SDCCAG8: variants seen among roughly 807,000 people sequenced by gnomAD.
SDCCAG8 encodes SHH signaling and ciliogenesis regulator SDCCAG8, also known as serologically defined colon cancer antigen 8.
A neutral mutation model predicts 101.8 loss-of-function variants in SDCCAG8; 74 were observed. The observed-to-expected ratio is 0.73, with a 90% CI of 0.60 to 0.88. The LOEUF is 0.88. SDCCAG8 is among the 40% of genes least tolerant of loss of function. The pLI is 0.00. For synonymous variants in SDCCAG8, 281 were observed against 292.9 expected (o/e 0.96, Z 0.41); for missense variants, 787 against 822.6 (o/e 0.96, Z 0.53).
At chr1:243,420,081 C>G (rs1446190947) in intron 15 of SDCCAG8, among the ~76,000 whole-genome samples, 1 of 152,224 alleles carries the variant, frequency 6.6e-6, no homozygotes, top group East Asian at 1.9e-4. Flanking sequence ...ACCTCCTGAT[C>G]TGACTTCTGA....
At chr1:243,372,018 A>G (rs1462070492) in intron 12 of SDCCAG8, among the ~76,000 whole-genome samples, 17 of 152,162 alleles carry the variant, frequency 1.1e-4, no homozygotes, top group Non-Finnish European at 2.4e-4. Context: ...AACATCTATA[A>G]GTTAATAAAA....
chr1:243,398,521 A>C (rs1558411761), intron 13 of SDCCAG8, among the ~76,000 whole-genome samples: 1 of 152,202 alleles, frequency 6.6e-6, no homozygotes, highest in Non-Finnish European at 1.5e-5. Flanking sequence ...ATTTTTATCT[A>C]ATAACTTCTT....
chr1:243,486,779 A>G (rs1161565481), intron 16 of SDCCAG8, among the ~76,000 whole-genome samples: 1 of 152,246 alleles, frequency 6.6e-6, no homozygotes, highest in Non-Finnish European at 1.5e-5. Context: ...GACCACATGG[A>G]CAATGGCTGC....
intron 13 of SDCCAG8, among the ~76,000 whole-genome samples, chr1:243,380,947 G>T: frequency 6.6e-6 from 1 of 151,374 alleles, no homozygotes; most frequent in Non-Finnish European, 1.5e-5. Context: ...TTGTTTTTTT[G>T]GTTTTTTTTT....
chr1:243,388,459 A>C (rs1403931821), intron 13 of SDCCAG8, among the ~76,000 whole-genome samples: 1 of 152,130 alleles, frequency 6.6e-6, no homozygotes, highest in Non-Finnish European at 1.5e-5. Flanking sequence ...TAAGGGAAGA[A>C]AGTTTCACTA....
chr1:243,428,890 C>T (rs1304885573), intron 16 of SDCCAG8, among the ~76,000 whole-genome samples: 6 of 152,204 alleles, frequency 3.9e-5, no homozygotes, highest in African/African-American at 1.2e-4. Context: ...CCACTGAAAA[C>T]GCTGTGTGGA....
chr1:243,422,843 A>C (rs904434472), intron 15 of SDCCAG8, among the ~76,000 whole-genome samples: 10 of 152,224 alleles, frequency 6.6e-5, no homozygotes, highest in Admixed American at 2.0e-4. Context: ...TATGCAACAT[A>C]ACTGGTATAT....
intron 12 of SDCCAG8, among the ~76,000 whole-genome samples, chr1:243,349,358 C>T (rs2075952906): frequency 6.6e-6 from 1 of 152,174 alleles, no homozygotes; most frequent in African/African-American, 2.4e-5. Context: ...CATACCTACT[C>T]ATATATGTAT....
intron 10 of SDCCAG8, among the ~76,000 whole-genome samples, chr1:243,340,671 A>G (rs1409230059): frequency 6.6e-6 from 1 of 152,188 alleles, no homozygotes; most frequent in East Asian, 1.9e-4. Context: ...TTCCATGTGG[A>G]AGAAGGGTTT....
At chr1:243,480,975 T>G (rs1663631381) in intron 16 of SDCCAG8, among the ~76,000 whole-genome samples, 3 of 151,722 alleles carry the variant, frequency 2.0e-5, no homozygotes, top group South Asian at 4.2e-4. Flanking sequence ...GCTGTGGGGA[T>G]GGTGACTAGG....
intron 13 of SDCCAG8, among the ~76,000 whole-genome samples, chr1:243,392,669 GATTTGCACAAAGAATT>G (rs2078771805): frequency 6.6e-6 from 1 of 152,216 alleles, no homozygotes; most frequent in Admixed American, 6.5e-5. Flanking sequence ...CACTCAAACT[GATTTGCACAAAGAATT>G]ATCTGTTAAA....
At chr1:243,411,642 C>G (rs1302397297) in intron 13 of SDCCAG8, among the ~76,000 whole-genome samples, 1 of 152,236 alleles carries the variant, frequency 6.6e-6, no homozygotes, top group South Asian at 2.1e-4. Context: ...ACTTTCTGTC[C>G]CTTAGTGTTT....
intron 9 of SDCCAG8, among the ~76,000 whole-genome samples, chr1:243,321,175 T>C (rs1287029290): frequency 6.6e-6 from 1 of 152,040 alleles, no homozygotes; most frequent in Non-Finnish European, 1.5e-5. Flanking sequence ...GGTGGGCACA[T>C]TTACCTCCAT....
intron 12 of SDCCAG8, among the ~76,000 whole-genome samples, chr1:243,364,242 A>G (rs961930576): frequency 6.6e-6 from 1 of 152,148 alleles, no homozygotes; most frequent in Non-Finnish European, 1.5e-5. Context: ...TAAATTGTCC[A>G]GTTTTCCAGT....
At chr1:243,388,937 C>CTACG (rs2078510591) in intron 13 of SDCCAG8, among the ~76,000 whole-genome samples, 1 of 146,064 alleles carries the variant, frequency 6.8e-6, no homozygotes, top group African/African-American at 2.6e-5. Flanking sequence ...ATTTGGGAAG[C>CTACG]TACGTGGTGG....
chr1:243,319,273 T>A (rs2073543001), intron 9 of SDCCAG8, among the ~76,000 whole-genome samples: 1 of 152,210 alleles, frequency 6.6e-6, no homozygotes, highest in South Asian at 2.1e-4. Flanking sequence ...CCAAACCATA[T>A]CACACTCCTC....
intron 9 of SDCCAG8, among the ~76,000 whole-genome samples, chr1:243,329,386 C>A (rs2074428471): frequency 6.6e-6 from 1 of 152,072 alleles, no homozygotes; most frequent in Admixed American, 6.5e-5. Context: ...ATTCACATAT[C>A]CTAGATATTT....
At chr1:243,414,581 A>G (rs2080435102) in intron 13 of SDCCAG8, among the ~76,000 whole-genome samples, 1 of 152,114 alleles carries the variant, frequency 6.6e-6, no homozygotes, top group South Asian at 2.1e-4. Context: ...ATTTTAATAC[A>G]GGCTTTCCTT....
chr1:243,500,021 T>C lies in SDCCAG8; in HGVS notation c.*236T>C, dbSNP rs765775428. 2.7e-5 allele frequency: 16 copies of C among 582,178 alleles called. No homozygotes were observed. Among genetic ancestry groups the C allele is most frequent in the Non-Finnish European group, 4.9e-5 (16 of 326,618 alleles). 36.1% of individuals were successfully genotyped at this position (582,178 alleles called of 1,614,324 possible). On this transcript the variant is annotated 3_prime_UTR_variant, in exon 18 of 18. Coordinates refer to ENST00000366541, the MANE Select transcript of SDCCAG8 (RefSeq NM_006642.5). The stretch of plus-strand genomic sequence containing the variant: ...TATGTTTTCAGAAATGGCTTGAAGT[T>C]ATGTGTTTAAATCTGCTCATTCGTA...
Sources: gnomAD v4.1 joint callset for allele counts (sites outside exome capture counted in the v4.1 genomes callset) on GRCh38, gnomAD v4.1.1 for gene constraint, MANE v1.5 for transcripts, NCBI Gene and HGNC (gene_info 2026-07-23, HGNC 2026-07-21) for gene names.